SPATA32: variants seen among roughly 807,000 people sequenced by gnomAD.
SPATA32 encodes spermatogenesis associated 32.
SPATA32 carries 28 observed loss-of-function variants against 35.4 expected under a neutral mutation model. The observed-to-expected ratio is 0.79, with a 90% CI of 0.59 to 1.09. The LOEUF (loss-of-function observed/expected upper bound fraction) is 1.09, where lower values mean the gene tolerates loss of function less well. SPATA32 is among the 50% of genes least tolerant of loss of function. The pLI is 0.00. For synonymous variants in SPATA32, 168 were observed against 196.3 expected (o/e 0.86, Z 1.20); for missense variants, 409 against 475.9 (o/e 0.86, Z 1.31).
chr17:45,258,244 G>A (rs533004634), intron 1 of SPATA32, among the ~76,000 whole-genome samples: 24 of 152,248 alleles, frequency 1.6e-4, no homozygotes, highest in Admixed American at 1.4e-3. Context: ...CTGGTCTTGG[G>A]GGATGTATCA....
At chr17:45,258,606 T>TCTG (rs2043978273) in intron 1 of SPATA32, among the ~76,000 whole-genome samples, 1 of 152,196 alleles carries the variant, frequency 6.6e-6, no homozygotes, top group African/African-American at 2.4e-5. Context: ...TATTAGGGAT[T>TCTG]CAAGTGATAT....
At position 45,256,235 on chromosome 17, in the gene SPATA32, AGG is replaced by A. The variant is rs1464635685; in HGVS notation, c.108+139_108+140del. ...CCTCCTCTCAGAGACCTGCCCGGTG[AGG>A]GGGTGTGTGTGTGGGTGTACCCACA... On this transcript the variant is annotated intron_variant, in intron 3 of 4. Transcript: ENST00000331780. This position sits in a 1 kb window ranked among gnomAD's most constrained non-coding sequence, Gnocchi z 4.7. The A allele has an allele frequency of 1.7e-6, 2 of 1,187,834 alleles. No individual in the cohort carries two copies. Among genetic ancestry groups the A allele is most frequent in the African/African-American group, 3.0e-5 (2 of 66,252 alleles). The allele number at this position is 1,187,834 out of a possible 1,614,324, so 73.6% of individuals were successfully genotyped here. A position where few individuals can be genotyped will look rare whatever the true frequency, so the allele number is the denominator to read the frequency against.
intron 1 of SPATA32, 184 bp downstream of exon 1, chr17:45,261,820 G>C (rs1347096234): frequency 3.7e-6 from 2 of 543,156 alleles, no homozygotes; most frequent in African/African-American, 3.9e-5. Context: ...GCTGGGAGCC[G>C]TAGTCAGGGG....
rs373110617 is a variant in SPATA32 at position 45,255,554 on chromosome 17, G to T, written c.628C>A (p.Pro210Thr). 662 of 1,614,096 alleles carry T rather than the reference G, an allele frequency of 4.1e-4. 14 individuals are homozygous for T. The South Asian group carries it at 5.7e-3, about 14-fold the overall frequency. Residue 210 changes from proline (P) to threonine (T), a missense_variant, in exon 4 of 5, where the codon CCT becomes ACT. Transcript: ENST00000331780. The surrounding 1 kb of genome is among the most constrained non-coding windows in gnomAD (Gnocchi z 5.4). Reference protein sequence around the residue: ...ALCSEEQLQIPDAHSAPPTTS... With the variant: ...ALCSEEQLQITDAHSAPPTTS... The stretch of plus-strand genomic sequence containing the variant: ...GTTGGAGGAGCTGAGTGGGCATCAG[G>T]GATCTGGAGCTGCTCCTCGGAGCAC...
At position 45,256,259 on chromosome 17, in the gene SPATA32, C is replaced by G; in HGVS notation, c.108+117G>C. 8.0e-7 allele frequency: 1 copy of G among 1,257,038 alleles called. No individual in the cohort carries two copies. Among genetic ancestry groups the G allele is most frequent in the Non-Finnish European group, 1.2e-6 (1 of 858,792 alleles). The allele number at this position is 1,257,038 out of a possible 1,614,324, so 77.9% of individuals were successfully genotyped here. On this transcript the variant is annotated intron_variant, in intron 3 of 4. Coordinates refer to ENST00000331780, the MANE Select transcript of SPATA32 (RefSeq NM_152343.3). This position sits in a 1 kb window ranked among gnomAD's most constrained non-coding sequence, Gnocchi z 4.7. ...GAGGGGGTGTGTGTGTGGGTGTACC[C>G]ACACCGGCCTGGTACTAGGGTCCCA...
chr17:45,261,873 G>A, intron 1 of SPATA32, 131 bp downstream of exon 1: 1 of 1,070,040 alleles, frequency 9.3e-7, no homozygotes, highest in South Asian at 4.5e-5. Flanking sequence ...CCTTTCAGGT[G>A]CCGGGGGTTT....
rs765032341 is a variant in SPATA32, at chr17:45,256,059, C to T, written c.123G>A (p.Met41Ile). The T allele has an allele frequency of 6.2e-7, 1 of 1,602,844 alleles. No individual in the cohort carries two copies. The highest frequency in any genetic ancestry group is 1.3e-5 in the African/African-American group (1 of 74,622). ...CTTGGAGTTGGGGCTTCTGCTCTAG[C>T]ATGTCTGCCTCCAGCTGAAATGTTT... ...IQEEQELEAD[M>I]LEQKPQLQVD... The change falls in exon 4 of 5, where the codon ATG (methionine) becomes ATA (isoleucine). Residue 41 changes from methionine (M) to isoleucine (I), a missense_variant. Physicochemically the swap from Met to Ile is conservative, Grantham distance 10 (BLOSUM62 1). Transcript: ENST00000331780. This position sits in a 1 kb window ranked among gnomAD's most constrained non-coding sequence, Gnocchi z 4.7.
chr17:45,254,759 C>A (rs1474437482), intron 4 of SPATA32, among the ~76,000 whole-genome samples: 1 of 152,254 alleles, frequency 6.6e-6, no homozygotes, highest in East Asian at 1.9e-4. Context: ...GGCCAACAGG[C>A]TTTCAACAGG....
chr17:45,255,110 C>A lies in SPATA32; in HGVS notation c.1067+5G>T. 1 of 1,613,878 alleles carries A rather than the reference C, an allele frequency of 6.2e-7. No individual in the cohort carries two copies. Among genetic ancestry groups the A allele is most frequent in the South Asian group, 1.1e-5 (1 of 91,070 alleles). ...TATGGGAGCTGCGGGGCTGGCCTCA[C>A]TCACTCTTCCTTGCTTCCCTGCAGC... On this transcript the variant is annotated splice_donor_5th_base_variant and intron_variant, in intron 4 of 4. Transcript: ENST00000331780. This position sits in a 1 kb window ranked among gnomAD's most constrained non-coding sequence, Gnocchi z 5.4.
chr17:45,261,921 G>T, intron 1 of SPATA32, 83 bp downstream of exon 1: 2 of 1,255,818 alleles, frequency 1.6e-6, no homozygotes, highest in Non-Finnish European at 1.0e-6. Context: ...ATTCCTGACC[G>T]CCCCCTTCGC....
chr17:45,254,455 G>A lies in SPATA32; in HGVS notation c.1126C>T (p.Leu376=), dbSNP rs756760276. ...NPLLVKIHFK[L]SAPTIPEK ...TTCTCTGGGATTGTGGGGGCTGACAGCTTAAAATGGATTTTCACCAATAAT... is the reference window on the plus strand; with the variant it reads ...TTCTCTGGGATTGTGGGGGCTGACAACTTAAAATGGATTTTCACCAATAAT... Residue 376 remains leucine, a synonymous_variant, in exon 5 of 5, where the codon CTG becomes TTG. Coordinates refer to ENST00000331780, the MANE Select transcript of SPATA32 (RefSeq NM_152343.3). 4 of 1,614,174 alleles carry A rather than the reference G, an allele frequency of 2.5e-6. No individual in the cohort carries two copies. Among genetic ancestry groups the A allele is most frequent in the African/African-American group, 2.7e-5 (2 of 75,050 alleles).
At chr17:45,259,920 G>A (rs1158863974) in intron 1 of SPATA32, 1 of 151,982 alleles carries the variant, frequency 6.6e-6, no homozygotes, top group Non-Finnish European at 1.5e-5. Context: ...AATCTGATTG[G>A]CTTTTTTTCA....
chr17:45,259,193 C>T (rs139494728), intron 1 of SPATA32, among the ~76,000 whole-genome samples: 39 of 152,210 alleles, frequency 2.6e-4, no homozygotes, highest in African/African-American at 3.1e-4. Flanking sequence ...AGTAGGAGTG[C>T]GTGTGTACAT....
In SPATA32 at chr17:45,256,334, C is replaced by A; in HGVS notation, c.108+42G>T. The A allele has an allele frequency of 7.5e-6, 12 of 1,601,336 alleles. No homozygotes were observed. The highest frequency in any genetic ancestry group is 1.0e-5 in the Non-Finnish European group (12 of 1,168,268). Reference sequence around the variant, plus strand: ...GGGGACTTAGGGAAGAGCCCTGCCGCTTGCCTACCACCTCCCCGTAAGAGG... The same window carrying A: ...GGGGACTTAGGGAAGAGCCCTGCCGATTGCCTACCACCTCCCCGTAAGAGG... On this transcript the variant is annotated intron_variant, in intron 3 of 4. Transcript: ENST00000331780. This position sits in a 1 kb window ranked among gnomAD's most constrained non-coding sequence, Gnocchi z 4.7.
chr17:45,259,226 G>A (rs762204250), intron 1 of SPATA32, among the ~76,000 whole-genome samples: 1 of 152,080 alleles, frequency 6.6e-6, no homozygotes, highest in Non-Finnish European at 1.5e-5. Context: ...CTGAGCTTAG[G>A]GGAAAGTGTT....
At chr17:45,259,422 T>C (rs1221111487) in intron 1 of SPATA32, among the ~76,000 whole-genome samples, 1 of 152,240 alleles carries the variant, frequency 6.6e-6, no homozygotes, top group Non-Finnish European at 1.5e-5. Flanking sequence ...TTTAATATGA[T>C]ATTATATATG....
At position 45,256,939 on chromosome 17, in the gene SPATA32, C is replaced by T. The variant is rs1052540015; in HGVS notation, c.68+214G>A. On this transcript the variant is annotated intron_variant, in intron 2 of 4. Transcript: ENST00000331780. The surrounding 1 kb of genome is among the most constrained non-coding windows in gnomAD (Gnocchi z 4.7). ...GTGTGCCCCACCACCCCTCAGTCTTCCTCTCATGCCAGGGGCTGAGGGCAT... is the reference window on the plus strand; with the variant it reads ...GTGTGCCCCACCACCCCTCAGTCTTTCTCTCATGCCAGGGGCTGAGGGCAT... Among the ~76,000 whole-genome samples the T allele has an allele frequency of 7.2e-5, 11 of 152,230 alleles. No homozygotes were observed. The highest frequency in any genetic ancestry group is 1.0e-4 in the Non-Finnish European group (7 of 68,044).
At chr17:45,260,235 C>CTAAT (rs2043993439) in intron 1 of SPATA32, 1 of 152,188 alleles carries the variant, frequency 6.6e-6, no homozygotes, top group African/African-American at 2.4e-5. Context: ...CATGCCTGGC[C>CTAAT]TAATTTCTTA....
rs911853126 is a variant in SPATA32 at position 45,256,246 on chromosome 17, G to A, written c.108+130C>T. On this transcript the variant is annotated intron_variant, in intron 3 of 4. Transcript: ENST00000331780. This position sits in a 1 kb window ranked among gnomAD's most constrained non-coding sequence, Gnocchi z 4.7. ...AGACCTGCCCGGTGAGGGGGTGTGT[G>A]TGTGGGTGTACCCACACCGGCCTGG... 1 of 1,209,318 alleles carries A rather than the reference G, an allele frequency of 8.3e-7. No homozygotes were observed. 74.9% of individuals were successfully genotyped at this position (1,209,318 alleles called of 1,614,324 possible).
Sources: allele counts gnomAD v4.1 joint callset (sites outside exome capture counted in the v4.1 genomes callset), GRCh38; gene constraint gnomAD v4.1.1; non-coding constraint Gnocchi (gnomAD v3.1); transcripts MANE v1.5; gene names NCBI Gene and HGNC (gene_info 2026-07-23, HGNC 2026-07-21).